Variants in SNRNP40 observed in about 807,000 individuals in gnomAD.
The protein encoded by SNRNP40 is small nuclear ribonucleoprotein U5 subunit 40.
SNRNP40 carries 21 observed loss-of-function variants against 45.8 expected under a neutral mutation model. That is an observed-to-expected ratio of 0.46 (90% CI 0.32 to 0.66). The LOEUF is 0.66. Among genes scored for constraint, SNRNP40 ranks in the 30% least tolerant of loss-of-function variants. The pLI, the probability that SNRNP40 is intolerant of heterozygous loss-of-function variation, is 0.03. For synonymous variants in SNRNP40, 142 were observed against 163.8 expected (o/e 0.87, Z 1.01); for missense variants, 344 against 439.1 (o/e 0.78, Z 1.94).
intron 8 of SNRNP40, among the ~76,000 whole-genome samples, chr1:31,264,374 T>C (rs567609564): frequency 7.0e-4 from 107 of 152,294 alleles, no homozygotes; most frequent in African/African-American, 2.5e-3. Context: ...CTGGTCCTCA[T>C]TAATTCAATA....
intron 8 of SNRNP40, among the ~76,000 whole-genome samples, chr1:31,265,494 A>G (rs1645889597): frequency 6.6e-6 from 1 of 152,176 alleles, no homozygotes; most frequent in Admixed American, 6.6e-5. Context: ...GAAAGGGCCA[A>G]TGCCAGAAAC....
chr1:31,273,108 A>T (rs2148383433), intron 5 of SNRNP40, among the ~76,000 whole-genome samples: 1 of 152,266 alleles, frequency 6.6e-6, no homozygotes, highest in South Asian at 2.1e-4. Context: ...CTATACGATC[A>T]TTTTTTTATA....
At chr1:31,263,095 GAATACTACTGA>G (rs931606109) in intron 8 of SNRNP40, 21 of 151,932 alleles carry the variant, frequency 1.4e-4, no homozygotes, top group African/African-American at 3.4e-4. Context: ...GAAATACTCT[GAATACTACTGA>G]AATACTACTG....
At chr1:31,296,203 C>T (rs573928496) in intron 1 of SNRNP40, among the ~76,000 whole-genome samples, 32 of 152,308 alleles carry the variant, frequency 2.1e-4, no homozygotes, top group African/African-American at 7.5e-4. Context: ...AAGGGAAAAG[C>T]AACTTGCCCA....
At chr1:31,292,072 C>T in intron 2 of SNRNP40, 66 bp from the exon 3 acceptor site, 2 of 1,137,270 alleles carry the variant, frequency 1.8e-6, no homozygotes, top group South Asian at 2.5e-5. Context: ...ATCAGAACAA[C>T]AGTTCTCAGG....
chr1:31,261,622 C>CTT lies in SNRNP40; in HGVS notation c.930_931insAA (p.Val311LysfsTer194). On this transcript the variant is annotated frameshift_variant, in exon 9 of 10. Transcript: ENST00000263694. LOFTEE classifies it high-confidence loss of function. ...ATTCTCCTGCTTGTGGTATCCCACACATAAACAAACCTGTAAGGTATCATG... is the reference window on the plus strand; with the variant it reads ...ATTCTCCTGCTTGTGGTATCCCACACTTATAAACAAACCTGTAAGGTATCATG... 1.9e-6 allele frequency: 3 copies of CTT among 1,612,354 alleles called. No individual in the cohort carries two copies. Among genetic ancestry groups the CTT allele is most frequent in the Non-Finnish European group, 2.5e-6 (3 of 1,178,490 alleles).
At chr1:31,290,925 T>C (rs1181099320) in intron 3 of SNRNP40, among the ~76,000 whole-genome samples, 1 of 151,870 alleles carries the variant, frequency 6.6e-6, no homozygotes, top group Non-Finnish European at 1.5e-5. Context: ...ATTGTACACA[T>C]AGTTCTAACA....
Position 31,296,780 on chromosome 1 carries a change from A to T in SNRNP40, c.-29T>A, listed in dbSNP as rs769458001. On this transcript the variant is annotated 5_prime_UTR_variant, in exon 1 of 10. Coordinates refer to ENST00000263694, the MANE Select transcript of SNRNP40 (RefSeq NM_004814.3). ...GGCAACCGGTCTCTTCAGCGCCGCC[A>T]CTGACCGCGCTGCCGCTCTCAGGCG... The T allele has an allele frequency of 5.8e-6, 9 of 1,554,370 alleles. No individual in the cohort carries two copies. Among genetic ancestry groups the T allele is most frequent in the Non-Finnish European group, 7.8e-6 (9 of 1,150,142 alleles).
chr1:31,272,370 T>C (rs1645944672), intron 5 of SNRNP40, among the ~76,000 whole-genome samples: 1 of 152,184 alleles, frequency 6.6e-6, no homozygotes, highest in Non-Finnish European at 1.5e-5. Flanking sequence ...AAACGTAAGA[T>C]ACAGAAAATA....
At chr1:31,269,686 C>T (rs1645923714) in intron 6 of SNRNP40, 1 of 237,652 alleles carries the variant, frequency 4.2e-6, no homozygotes. Flanking sequence ...ACCTGATAGT[C>T]TAAGACTGGA....
chr1:31,288,548 A>G (rs1646078170), intron 4 of SNRNP40, among the ~76,000 whole-genome samples: 1 of 152,222 alleles, frequency 6.6e-6, no homozygotes, highest in African/African-American at 2.4e-5. Flanking sequence ...TCTTCAGGTG[A>G]TGATGATATA....
intron 5 of SNRNP40, among the ~76,000 whole-genome samples, chr1:31,272,356 T>C (rs2148383175): frequency 6.6e-6 from 1 of 152,306 alleles, no homozygotes; most frequent in East Asian, 1.9e-4. Context: ...ATTGCTTGTA[T>C]AGGAAACGTA....
At chr1:31,274,659 A>AAAC (rs1376109844) in intron 5 of SNRNP40, among the ~76,000 whole-genome samples, 2 of 150,822 alleles carry the variant, frequency 1.3e-5, no homozygotes, top group African/African-American at 2.4e-5. Flanking sequence ...AAAAAAAAAA[A>AAAC]AAAAAACCAA....
intron 4 of SNRNP40, 130 bp from the exon 5 acceptor site, chr1:31,281,626 C>T (rs1429329715): frequency 2.8e-6 from 2 of 709,538 alleles, no homozygotes; most frequent in South Asian, 3.7e-5. Flanking sequence ...ATATCACTAA[C>T]TCCTGGATAT....
At chr1:31,273,997 AG>A (rs1233545844) in intron 5 of SNRNP40, among the ~76,000 whole-genome samples, 2 of 151,844 alleles carry the variant, frequency 1.3e-5, no homozygotes, top group African/African-American at 4.8e-5. Flanking sequence ...ACAAAGTGGA[AG>A]GGTATTTACT....
intron 3 of SNRNP40, among the ~76,000 whole-genome samples, chr1:31,290,827 G>A (rs536883645): frequency 2.5e-4 from 38 of 151,988 alleles, no homozygotes; most frequent in Admixed American, 2.0e-3. Context: ...GCAGTGAGCC[G>A]AGATCGCACC....
At chr1:31,280,566 C>T (rs938250393) in intron 5 of SNRNP40, among the ~76,000 whole-genome samples, 2 of 152,146 alleles carry the variant, frequency 1.3e-5, no homozygotes, top group Non-Finnish European at 2.9e-5. Context: ...GAGTATCTGA[C>T]AGTTACTCTT....
chr1:31,267,817 C>G, intron 8 of SNRNP40, 54 bp downstream of exon 8: 3 of 1,385,326 alleles, frequency 2.2e-6, no homozygotes, highest in Non-Finnish European at 3.1e-6. Flanking sequence ...CAGGCACGAG[C>G]CACCGCATCC....
intron 8 of SNRNP40, among the ~76,000 whole-genome samples, chr1:31,267,653 A>G (rs950767386): frequency 6.6e-6 from 1 of 152,128 alleles, no homozygotes; most frequent in Non-Finnish European, 1.5e-5. Flanking sequence ...CTCTTGCCTA[A>G]GCCTCCTGAG....
Sources: gnomAD v4.1 joint callset for allele counts (sites outside exome capture counted in the v4.1 genomes callset) on GRCh38, gnomAD v4.1.1 for gene constraint, MANE v1.5 for transcripts, NCBI Gene and HGNC (gene_info 2026-07-23, HGNC 2026-07-21) for gene names.